OSBPL10: variants seen among roughly 807,000 people sequenced by gnomAD.
OSBPL10 encodes oxysterol-binding protein-related protein 10.
Under a neutral mutation model 81.7 loss-of-function variants are expected in OSBPL10, and 49 were observed. The observed-to-expected ratio is 0.60, with a 90% CI of 0.48 to 0.76. The LOEUF is 0.76. Among genes scored for constraint, OSBPL10 ranks in the 30% least tolerant of loss-of-function variants. The pLI is 0.00. For missense variants in OSBPL10, 923 were observed against 987.8 expected (o/e 0.93, Z 0.88); for synonymous variants, 419 against 383.6 (o/e 1.09, Z -1.08).
Position 31,661,878 on chromosome 3 carries a change from G to T in OSBPL10, c.*194C>A. On this transcript the variant is annotated 3_prime_UTR_variant, in exon 12 of 12. Coordinates refer to ENST00000396556, the MANE Select transcript of OSBPL10 (RefSeq NM_017784.5). ...GTGTGTACACACACGTGCCCCGAAT[G>T]GCTCTTGAATAAATTCATTCCTCTA... 1 of 735,250 alleles carries T rather than the reference G, an allele frequency of 1.4e-6. No homozygotes were observed. The allele number at this position is 735,250 out of a possible 1,614,324, so 45.5% of individuals were successfully genotyped here. A position where few individuals can be genotyped will look rare whatever the true frequency, so the allele number is the denominator to read the frequency against.
At chr3:31,805,324 G>C (rs1233566079) in intron 4 of OSBPL10, among the ~76,000 whole-genome samples, 1 of 152,140 alleles carries the variant, frequency 6.6e-6, no homozygotes, top group African/African-American at 2.4e-5. Context: ...TGGTCTCAAA[G>C]AATGACTAAA....
At chr3:32,048,328 T>TTTTTTTA (rs1699642206) in intron 1 of OSBPL10, among the ~76,000 whole-genome samples, 1 of 104,324 alleles carries the variant, frequency 9.6e-6, no homozygotes, top group African/African-American at 3.1e-5. Context: ...TTTTTTTTTT[T>TTTTTTTA]GAGACAGTTT....
intron 3 of OSBPL10, among the ~76,000 whole-genome samples, chr3:31,862,656 T>C (rs1701087311): frequency 6.6e-6 from 1 of 152,212 alleles, no homozygotes; most frequent in Non-Finnish European, 1.5e-5. Context: ...AGAGTATATA[T>C]GAATGGCCAA....
chr3:31,774,836 T>A (rs1698505193), intron 4 of OSBPL10, among the ~76,000 whole-genome samples: 1 of 151,044 alleles, frequency 6.6e-6, no homozygotes, highest in Non-Finnish European at 1.5e-5. Flanking sequence ...ATTGCTTTTG[T>A]TCTCAGTGAC....
chr3:31,967,864 GCCA>G (rs1184464596), intron 1 of OSBPL10, among the ~76,000 whole-genome samples: 1 of 152,144 alleles, frequency 6.6e-6, no homozygotes, highest in Non-Finnish European at 1.5e-5. Context: ...TGCTTCAGTG[GCCA>G]CATTAGAAGA....
intron 2 of OSBPL10, 82 bp downstream of exon 2, chr3:31,879,573 A>G: frequency 6.9e-7 from 1 of 1,450,314 alleles, no homozygotes. Flanking sequence ...GCAATTTAAA[A>G]AAACAAAAAA....
At chr3:32,076,669 C>T (rs999700508) in intron 1 of OSBPL10, among the ~76,000 whole-genome samples, 4 of 152,000 alleles carry the variant, frequency 2.6e-5, no homozygotes, top group Non-Finnish European at 4.4e-5. Context: ...GCCGGCTGTG[C>T]GGGAGACCAG....
At chr3:31,871,671 G>A (rs1701329878) in intron 3 of OSBPL10, among the ~76,000 whole-genome samples, 2 of 152,240 alleles carry the variant, frequency 1.3e-5, no homozygotes, top group Non-Finnish European at 2.9e-5. Flanking sequence ...ATGAGTTGGA[G>A]AACAGCCTGG....
chr3:32,002,407 A>T (rs2125533103), intron 2 of OSBPL10, among the ~76,000 whole-genome samples: 1 of 152,354 alleles, frequency 6.6e-6, no homozygotes, highest in African/African-American at 2.4e-5. Context: ...GAGGAATGGA[A>T]TTTAAGTGAA....
chr3:31,780,501 T>C (rs547236081), intron 4 of OSBPL10, among the ~76,000 whole-genome samples: 2 of 137,476 alleles, frequency 1.5e-5, no homozygotes, highest in East Asian at 4.6e-4. Context: ...AAAAAAAAAA[T>C]ACAAAAAATA....
intron 4 of OSBPL10, among the ~76,000 whole-genome samples, chr3:31,822,913 T>TAAAAAAAA (rs71097447): frequency 0.015 from 1,358 of 88,900 alleles, 39 homozygotes; most frequent in African/African-American, 0.05. Context: ...CCCCCAACTC[T>TAAAAAAAA]AAAAAAAAAA....
intron 3 of OSBPL10, among the ~76,000 whole-genome samples, chr3:31,868,713 C>T: frequency 6.6e-6 from 1 of 152,054 alleles, no homozygotes; most frequent in East Asian, 1.9e-4. Context: ...TTTTCTCAGT[C>T]AGAATTAAAG....
intron 8 of OSBPL10, among the ~76,000 whole-genome samples, chr3:31,678,016 G>A (rs937191254): frequency 6.8e-6 from 1 of 147,404 alleles, no homozygotes; most frequent in Non-Finnish European, 1.5e-5. Flanking sequence ...AGGAAGCGGA[G>A]CTTGCAGTGA....
chr3:31,755,678 A>G (rs1697867978), intron 4 of OSBPL10, among the ~76,000 whole-genome samples: 1 of 152,198 alleles, frequency 6.6e-6, no homozygotes, highest in South Asian at 2.1e-4. Context: ...GGATGGAACA[A>G]AAGAGTGGTT....
intron 2 of OSBPL10, among the ~76,000 whole-genome samples, chr3:32,031,181 A>G (rs1699464221): frequency 6.6e-6 from 1 of 152,044 alleles, no homozygotes; most frequent in Admixed American, 6.6e-5. Flanking sequence ...AAAGAAAAGA[A>G]AAAGAAAAAA....
chr3:31,770,295 T>C (rs1203015729), intron 4 of OSBPL10, among the ~76,000 whole-genome samples: 7 of 152,206 alleles, frequency 4.6e-5, no homozygotes, highest in African/African-American at 1.7e-4. Flanking sequence ...ACAATGCTGT[T>C]AATGCCATAT....
intron 3 of OSBPL10, among the ~76,000 whole-genome samples, chr3:31,835,665 A>G (rs536123855): frequency 1.3e-5 from 2 of 152,364 alleles, no homozygotes; most frequent in African/African-American, 4.8e-5. Context: ...GCCCAAGGCA[A>G]ACAGAAAAAA....
intron 2 of OSBPL10, among the ~76,000 whole-genome samples, chr3:32,040,596 G>A (rs1397037418): frequency 1.3e-5 from 2 of 151,990 alleles, no homozygotes; most frequent in East Asian, 3.9e-4. Context: ...AGCACTTTGG[G>A]AGGCCTAGGT....
chr3:31,959,288 C>T (rs1019504306), intron 1 of OSBPL10, among the ~76,000 whole-genome samples: 2 of 152,176 alleles, frequency 1.3e-5, no homozygotes, highest in Admixed American at 1.3e-4. Flanking sequence ...GCACTATAAA[C>T]AGTGTACTAT....
Sources: gnomAD v4.1 joint callset for allele counts (sites outside exome capture counted in the v4.1 genomes callset) on GRCh38, gnomAD v4.1.1 for gene constraint, MANE v1.5 for transcripts, NCBI Gene and HGNC (gene_info 2026-07-23, HGNC 2026-07-21) for gene names.